Variants in HIRIP3 observed in about 807,000 individuals in gnomAD.
HIRIP3 encodes HIRA interacting protein 3.
HIRIP3 carries 40 observed loss-of-function variants against 50.3 expected under a neutral mutation model. The observed-to-expected ratio is 0.79, with a 90% CI of 0.62 to 1.03. The LOEUF (loss-of-function observed/expected upper bound fraction) is 1.03. Ranked by LOEUF, HIRIP3 falls within the 50% of genes least tolerant of loss-of-function variation. The pLI is 0.00. For missense variants in HIRIP3, 765 were observed against 705.4 expected (o/e 1.08, Z -0.96); for synonymous variants, 318 against 261.6 (o/e 1.22, Z -2.08).
In HIRIP3 at chr16:29,994,822, C is replaced by T. The variant is rs2070051328; in HGVS notation, c.323G>A (p.Ser108Asn). Residue 108 changes from serine (S) to asparagine (N), a missense_variant, in exon 4 of 7, where the codon AGC becomes AAC. Ser to Asn is a conservative substitution (Grantham distance 46). Coordinates refer to ENST00000279392, the MANE Select transcript of HIRIP3 (RefSeq NM_003609.5). ...SESESGSEASSPDYFGPPAKN... is the reference protein window; with the variant it reads ...SESESGSEASNPDYFGPPAKN... The stretch of plus-strand genomic sequence containing the variant: ...TGCTGGGGGTCCAAAGTAGTCTGGG[C>T]TGGAGGCTTCAGAGCCGGACTCTGG... The T allele has an allele frequency of 2.5e-6, 4 of 1,611,246 alleles. No homozygotes were observed. The highest frequency in any genetic ancestry group is 1.6e-4 in the Middle Eastern group (1 of 6,072).
At position 29,994,478 on chromosome 16, in the gene HIRIP3, T is replaced by C. The variant is rs2070040976; in HGVS notation, c.667A>G (p.Ser223Gly). The C allele has an allele frequency of 2.5e-6, 4 of 1,614,084 alleles. No homozygotes were observed. The highest frequency in any genetic ancestry group is 1.3e-5 in the African/African-American group (1 of 74,920). The change falls in exon 4 of 7, where the codon AGT (serine) becomes GGT (glycine). Residue 223 changes from serine to glycine, a missense_variant. Ser to Gly is a moderately conservative substitution (Grantham distance 56). Transcript: ENST00000279392. ...ATCTCCTCTTCACTCTCCTGTTCAC[T>C]TTCCTTCAGGCTTTTAGTTCCTTTA... is the stretch of plus-strand genomic sequence containing the variant. ...GNKGTKSLKE[S>G]EQESEEEILA...
chr16:29,995,592 T>C lies in HIRIP3; in HGVS notation c.14A>G (p.Lys5Arg), dbSNP rs1381515532. ...GCTACGGGTGAACTCCTGCATCTCC[T>C]TCTCCCGCGCCATTTTGCTCAACCC... MARE[K>R]EMQEFTRSFF... Residue 5 changes from lysine (K) to arginine (R), a missense_variant, in exon 1 of 7, where the codon AAG (lysine) becomes AGG (arginine). Lys to Arg is a conservative substitution (Grantham distance 26). Coordinates refer to ENST00000279392, the MANE Select transcript of HIRIP3 (RefSeq NM_003609.5). 1.2e-6 allele frequency: 2 copies of C among 1,612,062 alleles called. No individual in the cohort carries two copies. Among genetic ancestry groups the C allele is most frequent in the East Asian group, 2.2e-5 (1 of 44,882 alleles).
intron 3 of HIRIP3, 102 bp from the exon 4 acceptor site, chr16:29,994,945 G>A: frequency 6.7e-7 from 1 of 1,499,848 alleles, no homozygotes; most frequent in South Asian, 1.3e-5. Context: ...AGTTGGAGGG[G>A]CAGCAGGAAA....
Position 29,993,440 on chromosome 16 carries a change from G to C in HIRIP3, c.1507+19C>G. 2 of 1,604,888 alleles carry C rather than the reference G, an allele frequency of 1.2e-6. No homozygotes were observed. Among genetic ancestry groups the C allele is most frequent in the Non-Finnish European group, 1.7e-6 (2 of 1,173,640 alleles). ...AACCCCACCTATCTGCTCCTGGGCA[G>C]TGAGAGGAAACCCCTTACCCGAGCC... On this transcript the variant is annotated intron_variant, in intron 6 of 6. Coordinates refer to ENST00000279392, the MANE Select transcript of HIRIP3 (RefSeq NM_003609.5).
chr16:29,993,661 G>A lies in HIRIP3; in HGVS notation c.1387C>T (p.Leu463=), dbSNP rs1379645787. The A allele has an allele frequency of 1.2e-6, 2 of 1,611,880 alleles. No individual in the cohort carries two copies. Among genetic ancestry groups the A allele is most frequent in the Admixed American group, 1.7e-5 (1 of 60,012 alleles). The change falls in exon 5 of 7, where the codon CTG becomes TTG. Residue 463 remains leucine (L), a synonymous_variant. Coordinates refer to ENST00000279392, the MANE Select transcript of HIRIP3 (RefSeq NM_003609.5). ...TCACCCTTCATGCCTAGCGCTTCCAGTTCTGCCCGGAGGATACTCAGGCGC... is the reference window on the plus strand; with the variant it reads ...TCACCCTTCATGCCTAGCGCTTCCAATTCTGCCCGGAGGATACTCAGGCGC... ...KERLSILRAE[L]EALGMKGTPS... is the part of the protein sequence containing the mutation.
Position 29,993,201 on chromosome 16 carries a change from C to T in HIRIP3, c.*6G>A. 2 of 1,588,030 alleles carry T rather than the reference C, an allele frequency of 1.3e-6. No individual in the cohort carries two copies. The highest frequency in any genetic ancestry group is 2.3e-5 in the South Asian group (2 of 87,414). ...TATCAAGGGTCCCTCCTGGGGGTGGCAGAGCTCAGTTACTCTCGCCATCAC... is the reference window on the plus strand; with the variant it reads ...TATCAAGGGTCCCTCCTGGGGGTGGTAGAGCTCAGTTACTCTCGCCATCAC... On this transcript the variant is annotated 3_prime_UTR_variant, in exon 7 of 7. Coordinates refer to ENST00000279392, the MANE Select transcript of HIRIP3 (RefSeq NM_003609.5).
In HIRIP3 at chr16:29,992,699, A is replaced by C. The variant is rs1052536027; in HGVS notation, c.*508T>G. On this transcript the variant is annotated 3_prime_UTR_variant, in exon 7 of 7. Coordinates refer to ENST00000279392, the MANE Select transcript of HIRIP3 (RefSeq NM_003609.5). ...AAAGTGGCTGTTTGCATAAGGGAGAAGGCTTAAGCACTGGCTGCCCTCAAG... is the reference window on the plus strand; with the variant it reads ...AAAGTGGCTGTTTGCATAAGGGAGACGGCTTAAGCACTGGCTGCCCTCAAG... The C allele has an allele frequency of 6.6e-5, 10 of 152,644 alleles. No homozygotes were observed. The highest frequency in any genetic ancestry group is 2.2e-4 in the African/African-American group (9 of 41,464). The allele number at this position is 152,644 out of a possible 1,614,324, so 9.5% of individuals were successfully genotyped here.
chr16:29,995,904 C>T (rs2070089720), upstream of HIRIP3: 2 of 575,480 alleles, frequency 3.5e-6, no homozygotes, highest in East Asian at 2.9e-5. Flanking sequence ...GCGACGCTGC[C>T]TTTCTCACTG....
In HIRIP3 at chr16:29,995,560, G is replaced by T. The variant is rs990132345; in HGVS notation, c.46C>A (p.Arg16=). The T allele has an allele frequency of 4.3e-6, 7 of 1,612,862 alleles. No homozygotes were observed. In the South Asian group the frequency reaches 7.7e-5, roughly 18 times the overall value. ...GGGCACCTGAGGTCCGGGCGGCCTC[G>T]GAAGAAGCTACGGGTGAACTCCTGC... ...EMQEFTRSFF[R]GRPDLSTLTH... is the part of the protein sequence containing the mutation. Residue 16 remains arginine, a synonymous_variant, in exon 1 of 7, where the codon CGA becomes AGA. Coordinates refer to ENST00000279392, the MANE Select transcript of HIRIP3 (RefSeq NM_003609.5).
chr16:29,994,345 C>G lies in HIRIP3; in HGVS notation c.800G>C (p.Arg267Thr). 1.2e-6 allele frequency: 2 copies of G among 1,614,192 alleles called. No individual in the cohort carries two copies. The highest frequency in any genetic ancestry group is 1.7e-6 in the Non-Finnish European group (2 of 1,180,046). The change falls in exon 4 of 7, where the codon AGA becomes ACA. Residue 267 changes from arginine (R) to threonine (T), a missense_variant. Transcript: ENST00000279392. Reference protein sequence around the residue: ...WKPRTRSNGRRKSAREERSCK... With the variant: ...WKPRTRSNGRTKSAREERSCK... ...GCTCCTCTCCTCCCTAGCTGACTTT[C>G]TCCGGCCATTGCTCCTGGTTCTGGG...
intron 1 of HIRIP3, 38 bp from the exon 2 acceptor site, chr16:29,995,501 C>T (rs1170320125): frequency 6.2e-7 from 1 of 1,613,636 alleles, no homozygotes. Context: ...TCCCGACCCA[C>T]CCGCGCCCTT....
In HIRIP3 at chr16:29,995,234, A is replaced by C; in HGVS notation, c.187-17T>G. The C allele has an allele frequency of 6.2e-7, 1 of 1,614,126 alleles. No individual in the cohort carries two copies. Among genetic ancestry groups the C allele is most frequent in the Non-Finnish European group, 8.5e-7 (1 of 1,179,968 alleles). The stretch of plus-strand genomic sequence containing the variant: ...TTCATCCACCTGTGTGTGCGCCAAG[A>C]GGGCAAACTATGCACCAAGGCTGCG... On this transcript the variant is annotated splice_polypyrimidine_tract_variant and intron_variant, in intron 2 of 6. Transcript: ENST00000279392.
rs1345307290 is a variant in HIRIP3 at position 29,993,168 on chromosome 16, T to C, written c.*39A>G. On this transcript the variant is annotated 3_prime_UTR_variant, in exon 7 of 7. Coordinates refer to ENST00000279392, the MANE Select transcript of HIRIP3 (RefSeq NM_003609.5). ...AGGGCAAGGGGTGCTATGTATGCTT[T>C]GTACATGTATCAAGGGTCCCTCCTG... is the stretch of plus-strand genomic sequence containing the variant. 4 of 1,540,790 alleles carry C rather than the reference T, an allele frequency of 2.6e-6. No homozygotes were observed. The highest frequency in any genetic ancestry group is 8.7e-7 in the Non-Finnish European group (1 of 1,143,368).
At position 29,993,266 on chromosome 16, in the gene HIRIP3, C is replaced by A; in HGVS notation, c.1612G>T (p.Ala538Ser). The A allele has an allele frequency of 6.4e-7, 1 of 1,559,742 alleles. No individual in the cohort carries two copies. Among genetic ancestry groups the A allele is most frequent in the Non-Finnish European group, 8.7e-7 (1 of 1,152,952 alleles). Reference protein sequence around the residue: ...LDSDEERPRPAPPDWSHMRGI... With the variant: ...LDSDEERPRPSPPDWSHMRGI... ...CGCATATGTGACCAGTCTGGGGGTG[C>A]GGGACGGGGCCGCTCTTCATCTGAG... The change falls in exon 7 of 7, where the codon GCA becomes TCA. Residue 538 changes from alanine to serine, a missense_variant. Physicochemically the swap from Ala to Ser is moderately conservative, Grantham distance 99. Transcript: ENST00000279392.
Position 29,994,514 on chromosome 16 carries a change from C to T in HIRIP3, c.631G>A (p.Val211Met), listed in dbSNP as rs1661031453. The T allele has an allele frequency of 6.2e-7, 1 of 1,614,172 alleles. No homozygotes were observed. The highest frequency in any genetic ancestry group is 8.5e-7 in the Non-Finnish European group (1 of 1,180,046). Residue 211 changes from valine (V) to methionine (M), a missense_variant, in exon 4 of 7, where the codon GTG becomes ATG. Coordinates refer to ENST00000279392, the MANE Select transcript of HIRIP3 (RefSeq NM_003609.5). ...CTTTTAGTTCCTTTATTTCCCTCCA[C>T]CTTCTTTGCTGTCCTCTGAACGGGT... Reference protein sequence around the residue: ...AEPVQRTAKKVEGNKGTKSLK... With the variant: ...AEPVQRTAKKMEGNKGTKSLK...
At position 29,994,139 on chromosome 16, in the gene HIRIP3, C is replaced by T. The variant is rs377731378; in HGVS notation, c.1006G>A (p.Glu336Lys). 83 of 1,614,054 alleles carry T rather than the reference C, an allele frequency of 5.1e-5. No homozygotes were observed. The highest frequency in any genetic ancestry group is 1.3e-4 in the African/African-American group (10 of 74,926). Reference protein sequence around the residue: ...GKRLSGSSEDEEDSGKGEPTA... With the variant: ...GKRLSGSSEDKEDSGKGEPTA... ...GGTTCCCCCTTCCCACTGTCTTCCT[C>T]GTCCTCGCTGCTTCCACTCAACCTC... is the stretch of plus-strand genomic sequence containing the variant. The change falls in exon 4 of 7, where the codon GAG (glutamate) becomes AAG (lysine). Residue 336 changes from glutamate (E) to lysine (K), a missense_variant. Transcript: ENST00000279392.
In HIRIP3 at chr16:29,993,937, G is replaced by A; in HGVS notation, c.1208C>T (p.Ser403Leu). The change falls in exon 4 of 7, where the codon TCA becomes TTA. Residue 403 changes from serine (S) to leucine (L), a missense_variant. Transcript: ENST00000279392. ...KGRTRSSSSS[S>L]DGSPEAKGGK... ...TCCTTTGGCCTCTGGACTTCCATCT[G>A]AGGAGGAAGAGGAGCTTCGTGTCCT... is the stretch of plus-strand genomic sequence containing the variant. 2 of 1,558,256 alleles carry A rather than the reference G, an allele frequency of 1.3e-6. No homozygotes were observed. Among genetic ancestry groups the A allele is most frequent in the Non-Finnish European group, 1.7e-6 (2 of 1,152,134 alleles).
At position 29,995,467 on chromosome 16, in the gene HIRIP3, C is replaced by T. The variant is rs949121006; in HGVS notation, c.66-4G>A. On this transcript the variant is annotated splice_region_variant and splice_polypyrimidine_tract_variant and intron_variant, in intron 1 of 6. Coordinates refer to ENST00000279392, the MANE Select transcript of HIRIP3 (RefSeq NM_003609.5). ...CACGATGGAATGCGTAAGCGTGCTG[C>T]AGGGACATGGTGTCAGGACGGAGTC... 33 of 1,613,528 alleles carry T rather than the reference C, an allele frequency of 2.0e-5. No homozygotes were observed. The highest frequency in any genetic ancestry group is 3.3e-5 in the Admixed American group (2 of 60,004).
chr16:29,995,260 C>G, intron 2 of HIRIP3, 43 bp from the exon 3 acceptor site: 2 of 1,613,328 alleles, frequency 1.2e-6, no homozygotes, highest in Non-Finnish European at 1.7e-6. Context: ...CAAGGCTGCG[C>G]TCACCGCGCC....
Sources: allele counts gnomAD v4.1 joint callset, GRCh38; gene constraint gnomAD v4.1.1; transcripts MANE v1.5; gene names NCBI Gene and HGNC (gene_info 2026-07-23, HGNC 2026-07-21).